ATP8A1: variants seen among roughly 807,000 people sequenced by gnomAD.
The protein encoded by ATP8A1 is ATPase phospholipid transporting 8A1.
A neutral mutation model predicts 177.7 loss-of-function variants in ATP8A1; 90 were observed. That is an observed-to-expected ratio of 0.51 (90% CI 0.43 to 0.60). The LOEUF (loss-of-function observed/expected upper bound fraction) is 0.60. Ranked by LOEUF, ATP8A1 falls within the 20% of genes least tolerant of loss-of-function variation. ATP8A1 has a pLI of 0.00. For missense variants in ATP8A1, 1,072 were observed against 1,392.8 expected, an observed-to-expected ratio of 0.77 and a Z score of 3.67; for synonymous variants, 493 against 485.9, an observed-to-expected ratio of 1.01 and a Z score of -0.19.
At chr4:42,425,803 G>A (rs1051132159) in intron 33 of ATP8A1, among the ~76,000 whole-genome samples, 1 of 152,096 alleles carries the variant, frequency 6.6e-6, no homozygotes, top group Non-Finnish European at 1.5e-5. Flanking sequence ...CTCCTAATGT[G>A]GGAGACTGGT....
chr4:42,606,260 G>T (rs145806870), intron 5 of ATP8A1, among the ~76,000 whole-genome samples: 45 of 152,308 alleles, frequency 3.0e-4, no homozygotes, highest in Non-Finnish European at 5.4e-4. Context: ...GCAGGAAAAT[G>T]AAAGACCAGA....
At chr4:42,600,544 AAAC>A in intron 5 of ATP8A1, 26 bp from the exon 6 acceptor site, 3 of 1,602,324 alleles carry the variant, frequency 1.9e-6, no homozygotes, top group Middle Eastern at 1.7e-4. Flanking sequence ...GTGACATTTT[AAAC>A]AACATGTTTT....
intron 24 of ATP8A1, among the ~76,000 whole-genome samples, chr4:42,487,377 T>C (rs2153189617): frequency 6.6e-6 from 1 of 152,264 alleles, no homozygotes; most frequent in Middle Eastern, 3.4e-3. Context: ...TATAACCTAA[T>C]GGAGCCAATT....
chr4:42,557,989 T>C (rs1364885824), intron 15 of ATP8A1, among the ~76,000 whole-genome samples: 11 of 151,978 alleles, frequency 7.2e-5, no homozygotes, highest in Non-Finnish European at 1.5e-5. Flanking sequence ...ACTGCACCAC[T>C]GGACTCCACT....
At chr4:42,642,734 T>C (rs1740134461) in intron 1 of ATP8A1, among the ~76,000 whole-genome samples, 1 of 152,170 alleles carries the variant, frequency 6.6e-6, no homozygotes, top group African/African-American at 2.4e-5. Context: ...AAGTACCTCC[T>C]AATGCAACAT....
intron 1 of ATP8A1, among the ~76,000 whole-genome samples, chr4:42,632,301 A>G (rs184469002): frequency 6.6e-6 from 1 of 152,334 alleles, no homozygotes; most frequent in East Asian, 1.9e-4. Context: ...TGAGCAAGGA[A>G]AAGACTTTTC....
intron 15 of ATP8A1, among the ~76,000 whole-genome samples, chr4:42,562,642 G>C (rs1488688388): frequency 1.3e-5 from 2 of 152,218 alleles, no homozygotes; most frequent in Non-Finnish European, 2.9e-5. Context: ...TTGTTTGGCT[G>C]TGTTCCCACC....
chr4:42,563,558 T>C (rs1469162730), intron 15 of ATP8A1, among the ~76,000 whole-genome samples: 5 of 152,096 alleles, frequency 3.3e-5, no homozygotes, highest in East Asian at 1.9e-4. Context: ...ATGGGAAAAA[T>C]GTCTCCAGGG....
chr4:42,553,746 T>A (rs1257654149), intron 16 of ATP8A1, among the ~76,000 whole-genome samples: 1 of 152,186 alleles, frequency 6.6e-6, no homozygotes, highest in Non-Finnish European at 1.5e-5. Context: ...CTTGGCGTTG[T>A]GGGGAAGACC....
intron 27 of ATP8A1, among the ~76,000 whole-genome samples, chr4:42,460,175 C>T (rs1718949317): frequency 6.6e-6 from 1 of 152,052 alleles, no homozygotes; most frequent in African/African-American, 2.4e-5. Context: ...AACTAAGTTT[C>T]AATTTTACTA....
intron 5 of ATP8A1, among the ~76,000 whole-genome samples, chr4:42,603,103 G>C (rs1221184747): frequency 6.6e-6 from 1 of 152,042 alleles, no homozygotes; most frequent in Middle Eastern, 3.4e-3. Context: ...CTAAAATCAA[G>C]ATATTTGACA....
At chr4:42,593,865 G>T (rs985463116) in intron 6 of ATP8A1, among the ~76,000 whole-genome samples, 5 of 151,930 alleles carry the variant, frequency 3.3e-5, no homozygotes, top group African/African-American at 1.2e-4. Context: ...ATGGCAAAAA[G>T]AATCATTCAT....
intron 10 of ATP8A1, among the ~76,000 whole-genome samples, chr4:42,581,417 G>A (rs1327109312): frequency 6.6e-6 from 1 of 152,172 alleles, no homozygotes; most frequent in African/African-American, 2.4e-5. Flanking sequence ...ACAGGCGTGA[G>A]CCACCGCGCC....
intron 3 of ATP8A1, chr4:42,625,286 C>G (rs1287119834): frequency 1.1e-5 from 2 of 178,100 alleles, no homozygotes; most frequent in African/African-American, 2.3e-5. Flanking sequence ...AAGAGAAGCA[C>G]AAGATTTAAC....
intron 24 of ATP8A1, among the ~76,000 whole-genome samples, chr4:42,492,439 T>A (rs1722831918): frequency 6.6e-6 from 1 of 152,104 alleles, no homozygotes; most frequent in South Asian, 2.1e-4. Flanking sequence ...CGTTAAGAGG[T>A]AGGGTCTTTG....
chr4:42,636,156 A>ACACACGCGTGCGCGCGCG lies in ATP8A1; in HGVS notation c.50-9048_50-9047insCGCGCGCGCACGCGTGTG, dbSNP rs565139270. ...CACACACACACACACACACACACACACGCACACACACACACATAAGCTTCT... is the reference window on the plus strand; with the variant it reads ...CACACACACACACACACACACACACACACACGCGTGCGCGCGCGCGCACACACACACACATAAGCTTCT... On this transcript the variant is annotated intron_variant, in intron 1 of 36. Transcript: ENST00000381668. 8.0e-4 allele frequency among the ~76,000 whole-genome samples: 73 copies of ACACACGCGTGCGCGCGCG among 90,968 alleles called. 2 individuals carry two copies. Among genetic ancestry groups the ACACACGCGTGCGCGCGCG allele is most frequent in the South Asian group, 2.9e-3 (7 of 2,376 alleles). The allele number at this position is 90,968 out of a possible 152,430, so 59.7% of individuals were successfully genotyped here. A position where few individuals can be genotyped will look rare whatever the true frequency, so the allele number is the denominator to read the frequency against.
chr4:42,615,773 G>A lies in ATP8A1; in HGVS notation c.409+260C>T, dbSNP rs76930504. ...CTGTCAAAACAACTGCAGACTTTAT[G>A]GACTGTATTTGAGAGACTATTGCTA... On this transcript the variant is annotated intron_variant, in intron 5 of 36. Coordinates refer to ENST00000381668, the MANE Select transcript of ATP8A1 (RefSeq NM_006095.2). Among the ~76,000 whole-genome samples the A allele has an allele frequency of 9.4e-3, 1,426 of 152,166 alleles. 13 individuals are homozygous for A. The highest frequency in any genetic ancestry group is 0.033 in the African/African-American group (1,371 of 41,524).
chr4:42,635,782 C>CACACACATATATATAT (rs1553920597), intron 1 of ATP8A1, among the ~76,000 whole-genome samples: 4 of 51,992 alleles, frequency 7.7e-5, no homozygotes, highest in Admixed American at 2.1e-4. Context: ...CACACACACA[C>CACACACATATATATAT]ATATATATAT....
At chr4:42,577,764 TA>T (rs1446312396) in intron 12 of ATP8A1, among the ~76,000 whole-genome samples, 3 of 152,152 alleles carry the variant, frequency 2.0e-5, no homozygotes, top group Non-Finnish European at 4.4e-5. Context: ...TAACATGATA[TA>T]ACATGATAAT....
Sources: allele counts gnomAD v4.1 joint callset (sites outside exome capture counted in the v4.1 genomes callset), GRCh38; gene constraint gnomAD v4.1.1; transcripts MANE v1.5; gene names NCBI Gene and HGNC (gene_info 2026-07-23, HGNC 2026-07-21).